The following LTN1 variants were observed in gnomAD, a reference collection of about 807,000 sequenced individuals.
LTN1 encodes the protein listerin E3 ubiquitin protein ligase 1, also known as E3 ubiquitin-protein ligase listerin.
A neutral mutation model predicts 201.2 loss-of-function variants in LTN1; 88 were observed. The ratio of observed to expected loss-of-function variants is 0.44; its 90% CI spans 0.37 to 0.52. The LOEUF (loss-of-function observed/expected upper bound fraction) is 0.52, where lower values mean the gene tolerates loss of function less well. Ranked by LOEUF, LTN1 falls within the 20% of genes least tolerant of loss-of-function variation. The pLI, the probability that LTN1 is intolerant of heterozygous loss-of-function variation, is 0.00. For synonymous variants in LTN1, 645 were observed against 713.5 expected (o/e 0.90, Z 1.53); for missense variants, 1,752 against 2,038.7 (o/e 0.86, Z 2.71).
intron 16 of LTN1, among the ~76,000 whole-genome samples, chr21:28,954,772 T>A (rs746816960): frequency 6.6e-6 from 1 of 152,190 alleles, no homozygotes; most frequent in Admixed American, 6.5e-5. Context: ...TCTCTCACCA[T>A]CTAAAAAGAT....
intron 24 of LTN1, among the ~76,000 whole-genome samples, chr21:28,941,636 T>C (rs142479530): frequency 6.6e-6 from 1 of 152,276 alleles, no homozygotes; most frequent in East Asian, 1.9e-4. Context: ...AACGTCTCTT[T>C]CAATTTTCTA....
chr21:28,948,493 G>C (rs1324187030), intron 18 of LTN1, among the ~76,000 whole-genome samples: 1 of 151,374 alleles, frequency 6.6e-6, no homozygotes, highest in African/African-American at 2.4e-5. Flanking sequence ...GGCTGGTCGC[G>C]AACTCCTGAC....
intron 27 of LTN1, among the ~76,000 whole-genome samples, chr21:28,933,794 A>G (rs2084231916): frequency 6.6e-6 from 1 of 150,564 alleles, no homozygotes; most frequent in East Asian, 2.0e-4. Flanking sequence ...CTCCTACCTC[A>G]GCCTCCCGAG....
chr21:28,984,375 AAAT>A (rs2084681212), intron 4 of LTN1, among the ~76,000 whole-genome samples: 1 of 152,062 alleles, frequency 6.6e-6, no homozygotes. Flanking sequence ...ACACGAGAGA[AAAT>A]AATTTTAGAT....
chr21:28,940,078 T>C (rs2084285610), intron 25 of LTN1, among the ~76,000 whole-genome samples: 1 of 152,236 alleles, frequency 6.6e-6, no homozygotes, highest in African/African-American at 2.4e-5. Context: ...CCATGAATAC[T>C]TAATCACACT....
chr21:28,957,554 C>G lies in LTN1; in HGVS notation c.2748-78G>C, dbSNP rs2084436774. On this transcript the variant is annotated intron_variant, in intron 14 of 29. Coordinates refer to ENST00000361371, the MANE Select transcript of LTN1 (RefSeq NM_015565.3). ...AATACCCCAATACATATTAAATACC[C>G]TATAATAGCTCACCTGAACAAAAAG... is the stretch of plus-strand genomic sequence containing the variant. 6.6e-6 allele frequency: 6 copies of G among 904,960 alleles called. No individual in the cohort carries two copies. In the South Asian group the frequency reaches 2.3e-4, roughly 34 times the overall value. The allele number at this position is 904,960 out of a possible 1,614,324, so 56.1% of individuals were successfully genotyped here. A position where few individuals can be genotyped will look rare whatever the true frequency, so the allele number is the denominator to read the frequency against.
chr21:28,937,592 T>C (rs1332241354), intron 25 of LTN1, among the ~76,000 whole-genome samples: 1 of 152,180 alleles, frequency 6.6e-6, no homozygotes, highest in Non-Finnish European at 1.5e-5. Flanking sequence ...TTGGAATTGA[T>C]TTTTAAAATA....
intron 27 of LTN1, among the ~76,000 whole-genome samples, chr21:28,933,777 A>T (rs1026548431): frequency 4.6e-5 from 7 of 151,766 alleles, no homozygotes; most frequent in African/African-American, 1.7e-4. Context: ...CCCGGGTTCA[A>T]AAAATTCTCC....
rs147761789 is a variant in LTN1, at chr21:28,971,281, G to T, written c.974C>A (p.Thr325Lys). The change falls in exon 7 of 30, where the codon ACA becomes AAA. Residue 325 changes from threonine (T) to lysine (K), a missense_variant. By Grantham distance (78) the Thr-to-Lys change is moderately conservative (BLOSUM62 -1). Around this residue, in one of 3 missense-constraint regions of LTN1, gnomAD observed 1,211 missense variants for 1,312.8 expected, o/e 0.92. Coordinates refer to ENST00000361371, the MANE Select transcript of LTN1 (RefSeq NM_015565.3). ...GCCTCTCTTACATACCTCAATAGTTGTAAGTGTATAGAGTACAGCTTCCCA... is the reference window on the plus strand; with the variant it reads ...GCCTCTCTTACATACCTCAATAGTTTTAAGTGTATAGAGTACAGCTTCCCA... ...ALWEAVLYTLTTIEDCWLHVN... is the reference protein window; with the variant it reads ...ALWEAVLYTLKTIEDCWLHVN... The T allele has an allele frequency of 1.9e-6, 3 of 1,613,066 alleles. No individual in the cohort carries two copies. Among genetic ancestry groups the T allele is most frequent in the South Asian group, 1.1e-5 (1 of 90,968 alleles).
chr21:28,941,538 C>T, intron 24 of LTN1, 132 bp from the exon 25 acceptor site: 1 of 645,570 alleles, frequency 1.5e-6, no homozygotes, highest in Non-Finnish European at 2.6e-6. Flanking sequence ...AAATTCCCCT[C>T]TATTGAGCCA....
chr21:28,986,134 C>A lies in LTN1; in HGVS notation c.345+5G>T. 1 of 1,533,816 alleles carries A rather than the reference C, an allele frequency of 6.5e-7. No homozygotes were observed. ...GAAATAAACTAGCAAAGTTTTAATA[C>A]TTACAAGTGAAATTTTGCAAAAAAT... On this transcript the variant is annotated splice_donor_5th_base_variant and intron_variant, in intron 3 of 29. Coordinates refer to ENST00000361371, the MANE Select transcript of LTN1 (RefSeq NM_015565.3). This position sits in a 1 kb window ranked among gnomAD's most constrained non-coding sequence, Gnocchi z 4.1.
rs375929544 is a variant in LTN1, at chr21:28,929,490, C to T, written c.*958G>A. 9 of 152,340 alleles carry T rather than the reference C, an allele frequency of 5.9e-5. No individual in the cohort carries two copies. The highest frequency in any genetic ancestry group is 2.2e-4 in the African/African-American group (9 of 41,534). 9.4% of individuals were successfully genotyped at this position (152,340 alleles called of 1,614,324 possible). A position where few individuals can be genotyped will look rare whatever the true frequency, so the allele number is the denominator to read the frequency against. On this transcript the variant is annotated 3_prime_UTR_variant, in exon 30 of 30. Transcript: ENST00000361371. ...TGAAGGCTGAAAAACATTTGCTCCC[C>T]CAAGTCTCTTATTTAGTATAACTTT...
chr21:28,956,890 G>A lies in LTN1; in HGVS notation c.2951C>T (p.Thr984Ile), dbSNP rs1568843309. ...CTTTATGTCCTGTTCCTTAAAATCTGTTTTGAAACATTCATAATTCAAACT... is the reference window on the plus strand; with the variant it reads ...CTTTATGTCCTGTTCCTTAAAATCTATTTTGAAACATTCATAATTCAAACT... The part of the protein sequence containing the change: ...RLSLNYECFK[T>I]DFKEQDIKTL... Residue 984 changes from threonine to isoleucine, a missense_variant, in exon 16 of 30, where the codon ACA becomes ATA. Thr to Ile is a moderately conservative substitution (Grantham distance 89, BLOSUM62 -1). Transcript: ENST00000361371. 1.9e-6 allele frequency: 3 copies of A among 1,610,150 alleles called. No homozygotes were observed. The highest frequency in any genetic ancestry group is 2.5e-6 in the Non-Finnish European group (3 of 1,178,030).
chr21:28,938,283 A>C (rs1007673432), intron 25 of LTN1, among the ~76,000 whole-genome samples: 4 of 152,212 alleles, frequency 2.6e-5, no homozygotes, highest in Non-Finnish European at 5.9e-5. Flanking sequence ...CTTAGGAGAT[A>C]TATGCTTAAA....
chr21:28,979,218 G>A (rs777458780), intron 6 of LTN1, among the ~76,000 whole-genome samples: 27 of 152,244 alleles, frequency 1.8e-4, no homozygotes, highest in Non-Finnish European at 3.5e-4. Context: ...TGATGGTTGA[G>A]TCTAGAGTAA....
intron 18 of LTN1, among the ~76,000 whole-genome samples, chr21:28,951,815 A>T (rs535683528): frequency 2.2e-3 from 327 of 152,058 alleles, no homozygotes; most frequent in African/African-American, 7.3e-3. Flanking sequence ...CTACAAAATT[A>T]AAAAATTAGC....
At chr21:28,943,085 GAC>G (rs1253611647) in intron 24 of LTN1, among the ~76,000 whole-genome samples, 175 bp downstream of exon 24, 1 of 152,158 alleles carries the variant, frequency 6.6e-6, no homozygotes, top group African/African-American at 2.4e-5. Context: ...TTAAGAGAGT[GAC>G]ACAATCTTTT....
chr21:28,942,993 G>A (rs1172694006), intron 24 of LTN1, among the ~76,000 whole-genome samples: 1 of 151,948 alleles, frequency 6.6e-6, no homozygotes, highest in Non-Finnish European at 1.5e-5. Flanking sequence ...TACTTGAACC[G>A]ATACACTCTT....
rs2084443374 is a variant in LTN1 at position 28,958,328 on chromosome 21, T to C, written c.2747+58A>G. The C allele has an allele frequency of 3.3e-6, 5 of 1,503,654 alleles. No individual in the cohort carries two copies. The Admixed American group carries it at 1.1e-4, about 33-fold the overall frequency. The allele number at this position is 1,503,654 out of a possible 1,614,324, so 93.1% of individuals were successfully genotyped here. On this transcript the variant is annotated intron_variant, in intron 14 of 29. Transcript: ENST00000361371. The stretch of plus-strand genomic sequence containing the variant: ...CACTCACACTGATCATGGAATCTAA[T>C]TTAAGGACACTGTTCAAGTATAAAA...
Sources: allele counts gnomAD v4.1 joint callset (sites outside exome capture counted in the v4.1 genomes callset), GRCh38; gene constraint gnomAD v4.1.1; regional missense constraint gnomAD v4.1.1; non-coding constraint Gnocchi (gnomAD v3.1); transcripts MANE v1.5; gene names NCBI Gene and HGNC (gene_info 2026-07-23, HGNC 2026-07-21).